Variants in BMPR1B observed in about 807,000 individuals in gnomAD.
The protein encoded by BMPR1B is bone morphogenetic protein receptor type-1B.
In BMPR1B, 12 loss-of-function variants were observed where a neutral mutation model predicts 59.1. That is an observed-to-expected ratio of 0.20 (90% CI 0.13 to 0.33). The LOEUF is 0.33. Among genes scored for constraint, BMPR1B ranks in the 10% least tolerant of loss-of-function variants. The pLI, the probability that BMPR1B is intolerant of heterozygous loss-of-function variation, is 1.00. For missense variants in BMPR1B, 550 were observed against 610.9 expected, an observed-to-expected ratio of 0.90 and a Z score of 1.05; for synonymous variants, 237 against 207.3, an observed-to-expected ratio of 1.14 and a Z score of -1.23.
intron 3 of BMPR1B, among the ~76,000 whole-genome samples, chr4:95,030,745 A>G (rs1186909432): frequency 6.6e-6 from 1 of 152,196 alleles, no homozygotes; most frequent in Non-Finnish European, 1.5e-5. Context: ...CAGAGAGCCA[A>G]ATAATGAGTG....
chr4:95,049,043 T>A (rs1726241785), intron 3 of BMPR1B, among the ~76,000 whole-genome samples: 1 of 152,194 alleles, frequency 6.6e-6, no homozygotes, highest in Non-Finnish European at 1.5e-5. Flanking sequence ...TCTCCTCACA[T>A]GTTTAATCTC....
chr4:94,856,608 C>G (rs1172979224), intron 1 of BMPR1B, among the ~76,000 whole-genome samples: 1 of 152,198 alleles, frequency 6.6e-6, no homozygotes, highest in African/African-American at 2.4e-5. Flanking sequence ...ATCACAGTCA[C>G]TGAGAACTGG....
chr4:94,840,858 G>C (rs7687785), intron 1 of BMPR1B, among the ~76,000 whole-genome samples: 1 of 144,034 alleles, frequency 6.9e-6, no homozygotes, highest in Non-Finnish European at 1.5e-5. Context: ...GGAGTTTCCA[G>C]TTTTTCTGTT....
At chr4:95,095,469 C>T (rs1433246221) in intron 3 of BMPR1B, among the ~76,000 whole-genome samples, 1 of 152,016 alleles carries the variant, frequency 6.6e-6, no homozygotes, top group Admixed American at 6.6e-5. Flanking sequence ...AATTTTTCTT[C>T]CACTAACCTC....
At chr4:95,091,383 C>T (rs755076095) in intron 3 of BMPR1B, 38 of 857,238 alleles carry the variant, frequency 4.4e-5, no homozygotes, top group Admixed American at 6.3e-5. Flanking sequence ...ATTGCTTGAC[C>T]GGAATAATGT....
Position 94,955,552 on chromosome 4 carries a change from T to C in BMPR1B, c.-112-40488T>C, listed in dbSNP as rs2149060074. 2.6e-5 allele frequency among the ~76,000 whole-genome samples: 4 copies of C among 152,284 alleles called. No homozygotes were observed. The Middle Eastern group carries it at 0.014, about 522-fold the overall frequency. On this transcript the variant is annotated intron_variant, in intron 2 of 12. Transcript: ENST00000515059. ...TGTTAATACTAATAGTCAATACTGT[T>C]ACTAATCCTAAGAGCAAACACTAGC...
At chr4:95,073,447 A>G (rs978336506) in intron 3 of BMPR1B, among the ~76,000 whole-genome samples, 3 of 152,152 alleles carry the variant, frequency 2.0e-5, no homozygotes, top group Admixed American at 2.0e-4. Flanking sequence ...TGGCACTTTC[A>G]TAGTAGCAGG....
chr4:95,044,562 A>G (rs1346119631), intron 3 of BMPR1B, among the ~76,000 whole-genome samples: 1 of 152,138 alleles, frequency 6.6e-6, no homozygotes, highest in African/African-American at 2.4e-5. Context: ...GTTGTGGGAT[A>G]TTTTTTCTCT....
chr4:94,830,886 A>G (rs1724558683), intron 1 of BMPR1B, among the ~76,000 whole-genome samples: 1 of 152,214 alleles, frequency 6.6e-6, no homozygotes, highest in African/African-American at 2.4e-5. Flanking sequence ...AAAGTATAGC[A>G]CAATGACAAT....
At chr4:95,053,843 G>A (rs1471638419) in intron 3 of BMPR1B, among the ~76,000 whole-genome samples, 1 of 152,096 alleles carries the variant, frequency 6.6e-6, no homozygotes, top group Non-Finnish European at 1.5e-5. Flanking sequence ...AATACAGAAT[G>A]TGCTATAAAC....
At chr4:94,948,114 T>A (rs958774702) in intron 2 of BMPR1B, among the ~76,000 whole-genome samples, 7 of 152,194 alleles carry the variant, frequency 4.6e-5, no homozygotes, top group African/African-American at 7.2e-5. Context: ...CACTCAGGAT[T>A]TTCTGACTCC....
intron 2 of BMPR1B, among the ~76,000 whole-genome samples, chr4:94,901,785 A>G (rs1727817645): frequency 6.6e-6 from 1 of 151,928 alleles, no homozygotes; most frequent in African/African-American, 2.4e-5. Context: ...AAAGCAGAAA[A>G]TGTGTGTATC....
intron 3 of BMPR1B, among the ~76,000 whole-genome samples, chr4:95,044,797 A>G (rs1248880366): frequency 2.0e-5 from 3 of 152,268 alleles, no homozygotes; most frequent in African/African-American, 7.2e-5. Flanking sequence ...AGGCAGCCTG[A>G]AAGAGGGCTG....
chr4:95,027,430 A>AGG (rs1252555974), intron 3 of BMPR1B, among the ~76,000 whole-genome samples: 1 of 152,162 alleles, frequency 6.6e-6, no homozygotes, highest in Non-Finnish European at 1.5e-5. Flanking sequence ...TGTGATTCTG[A>AGG]GGGGGAAACT....
chr4:94,908,061 T>TAAAAAAAAAAAAAAAAAAAAAAAAAAAA (rs571793477), intron 2 of BMPR1B, among the ~76,000 whole-genome samples: 3 of 46,256 alleles, frequency 6.5e-5, no homozygotes, highest in African/African-American at 1.4e-4. Context: ...ACCCTGTCTT[T>TAAAAAAAAAAAAAAAAAAAAAAAAAAAA]AAAAAAAAAA....
intron 1 of BMPR1B, among the ~76,000 whole-genome samples, chr4:94,835,620 G>T (rs1427753051): frequency 6.6e-6 from 1 of 151,582 alleles, no homozygotes; most frequent in African/African-American, 2.4e-5. Context: ...TATATTTTTA[G>T]ATTCAAATTT....
At chr4:95,076,503 C>T (rs1029069961) in intron 3 of BMPR1B, among the ~76,000 whole-genome samples, 2 of 151,978 alleles carry the variant, frequency 1.3e-5, no homozygotes, top group African/African-American at 2.4e-5. Context: ...ATATAAATTG[C>T]TCACACTTAT....
rs1735298772 is a variant in BMPR1B at position 95,154,818 on chromosome 4, G to GGCA, written c.*146_*147insCAG. 1 of 1,143,752 alleles carries GGCA rather than the reference G, an allele frequency of 8.7e-7. No homozygotes were observed. 70.9% of individuals were successfully genotyped at this position (1,143,752 alleles called of 1,614,324 possible). A position where few individuals can be genotyped will look rare whatever the true frequency, so the allele number is the denominator to read the frequency against. On this transcript the variant is annotated 3_prime_UTR_variant, in exon 13 of 13. Transcript: ENST00000515059. ...CAGTGGGTTCAGACCTCACCTCTCAGGGAGCGACCTGGGCAAAGACAGAGA... is the reference window on the plus strand; with the variant it reads ...CAGTGGGTTCAGACCTCACCTCTCAGGCAGGAGCGACCTGGGCAAAGACAGAGA...
chr4:95,031,040 CA>C (rs1205367027), intron 3 of BMPR1B, among the ~76,000 whole-genome samples: 1 of 151,648 alleles, frequency 6.6e-6, no homozygotes, highest in East Asian at 1.9e-4. Flanking sequence ...CATATGGAAC[CA>C]AAAAAGAGCC....
Sources: gnomAD v4.1 joint callset for allele counts (sites outside exome capture counted in the v4.1 genomes callset) on GRCh38, gnomAD v4.1.1 for gene constraint, MANE v1.5 for transcripts, NCBI Gene and HGNC (gene_info 2026-07-23, HGNC 2026-07-21) for gene names.